The following MALT1 variants were observed in gnomAD, a reference collection of about 807,000 sequenced individuals.
MALT1 encodes the protein MALT1 paracaspase, also known as mucosa-associated lymphoid tissue lymphoma translocation protein 1.
MALT1 carries 36 observed loss-of-function variants against 85.5 expected under a neutral mutation model. That is an observed-to-expected ratio of 0.42 (90% CI 0.32 to 0.56). MALT1 has a LOEUF of 0.56. Ranked by LOEUF, MALT1 falls within the 20% of genes least tolerant of loss-of-function variation. The pLI, the probability that MALT1 is intolerant of heterozygous loss-of-function variation, is 0.10. For synonymous variants in MALT1, 359 were observed against 361.3 expected (o/e 0.99, Z 0.07); for missense variants, 716 against 981.6 (o/e 0.73, Z 3.62).
chr18:58,694,414 T>G (rs1318082273), intron 2 of MALT1, among the ~76,000 whole-genome samples: 2 of 152,244 alleles, frequency 1.3e-5, no homozygotes, highest in Non-Finnish European at 2.9e-5. Flanking sequence ...AATCTTGTTT[T>G]GTTTCTTTGC....
intron 13 of MALT1, among the ~76,000 whole-genome samples, chr18:58,737,095 C>A (rs1195170105): frequency 1.3e-5 from 2 of 152,000 alleles, no homozygotes; most frequent in Non-Finnish European, 2.9e-5. Flanking sequence ...AATCCCAGCA[C>A]TTTGGGAGGC....
intron 3 of MALT1, 151 bp from the exon 4 acceptor site, chr18:58,700,290 G>T: frequency 1.9e-6 from 1 of 525,802 alleles, no homozygotes; most frequent in Non-Finnish European, 3.2e-6. Context: ...AACTCAAAGC[G>T]TTACTGTTTT....
chr18:58,750,104 G>T lies in MALT1; in HGVS notation c.*2262G>T, dbSNP rs747389098. 2.2e-5 allele frequency: 4 copies of T among 185,834 alleles called. No individual in the cohort carries two copies. The highest frequency in any genetic ancestry group is 4.6e-5 in the Non-Finnish European group (4 of 87,830). 11.5% of individuals were successfully genotyped at this position (185,834 alleles called of 1,614,324 possible). On this transcript the variant is annotated 3_prime_UTR_variant, in exon 17 of 17. Transcript: ENST00000649217. The stretch of plus-strand genomic sequence containing the variant: ...ATAGTTGTATATAGAAAATGCTAAA[G>T]AATCCATAAAAAGTAATAAATGAGT...
chr18:58,731,515 C>G (rs1052202500), intron 10 of MALT1, among the ~76,000 whole-genome samples: 6 of 152,172 alleles, frequency 3.9e-5, no homozygotes, highest in African/African-American at 1.4e-4. Context: ...CTAGGCTAGT[C>G]TCTTTTCTGT....
chr18:58,740,280 A>G (rs1310152417), intron 13 of MALT1, among the ~76,000 whole-genome samples: 1 of 152,090 alleles, frequency 6.6e-6, no homozygotes, highest in Non-Finnish European at 1.5e-5. Context: ...TGAAGAACCA[A>G]TCTTTGACTC....
At chr18:58,741,305 T>TC (rs2055298282) in intron 13 of MALT1, 1 of 152,140 alleles carries the variant, frequency 6.6e-6, no homozygotes, top group Non-Finnish European at 1.5e-5. Flanking sequence ...CTTATCTTTT[T>TC]TAAAAAAATT....
Position 58,709,960 on chromosome 18 carries a change from T to A in MALT1, c.829-16T>A, listed in dbSNP as rs913159904. 1.3e-6 allele frequency: 2 copies of A among 1,503,060 alleles called. No homozygotes were observed. The highest frequency in any genetic ancestry group is 1.8e-5 in the Admixed American group (1 of 55,416). 93.1% of individuals were successfully genotyped at this position (1,503,060 alleles called of 1,614,324 possible). ...AATAGAAGAGGAAGCATTTACATGT[T>A]CTAATATTGATATAGGTGCCTTATG... On this transcript the variant is annotated splice_polypyrimidine_tract_variant and intron_variant, in intron 5 of 16. Transcript: ENST00000649217.
chr18:58,687,724 G>A (rs1026775266), intron 2 of MALT1, among the ~76,000 whole-genome samples: 4 of 152,192 alleles, frequency 2.6e-5, no homozygotes, highest in African/African-American at 4.8e-5. Context: ...TAAATGCGTC[G>A]TGAGAGAGAA....
At chr18:58,700,655 G>A (rs2054658342) in intron 4 of MALT1, 64 bp downstream of exon 4, 1 of 1,390,904 alleles carries the variant, frequency 7.2e-7, no homozygotes, top group Non-Finnish European at 9.4e-7. Flanking sequence ...TATTTTAAAT[G>A]TTTACTTTTA....
intron 2 of MALT1, among the ~76,000 whole-genome samples, chr18:58,688,143 T>A (rs1350349339): frequency 2.0e-5 from 3 of 151,944 alleles, no homozygotes; most frequent in African/African-American, 7.3e-5. Context: ...CATGGGTCCC[T>A]GTCGCACAAG....
chr18:58,712,798 A>G (rs1042893066), intron 7 of MALT1, among the ~76,000 whole-genome samples: 9 of 152,196 alleles, frequency 5.9e-5, no homozygotes, highest in African/African-American at 2.2e-4. Flanking sequence ...ATAAATATGT[A>G]CGATTATTAT....
chr18:58,700,694 C>A, intron 4 of MALT1, 103 bp downstream of exon 4: 1 of 930,210 alleles, frequency 1.1e-6, no homozygotes, highest in Non-Finnish European at 1.5e-6. Context: ...AAAAACATAG[C>A]AAAATTTCAC....
chr18:58,710,983 TCTC>T (rs2054823873), intron 7 of MALT1, 30 bp downstream of exon 7: 1 of 1,521,202 alleles, frequency 6.6e-7, no homozygotes. Context: ...TGAAACCAAA[TCTC>T]CTGCATGCTA....
chr18:58,721,895 G>A (rs2054988412), intron 9 of MALT1, among the ~76,000 whole-genome samples: 1 of 152,304 alleles, frequency 6.6e-6, no homozygotes, highest in South Asian at 2.1e-4. Context: ...CTGCGTCAGA[G>A]GGGGTGGCCT....
In MALT1 at chr18:58,734,382, G is replaced by A. The variant is rs888212988; in HGVS notation, c.1475+1G>A. 3.1e-6 allele frequency: 5 copies of A among 1,609,478 alleles called. No homozygotes were observed. Among genetic ancestry groups the A allele is most frequent in the East Asian group, 2.2e-5 (1 of 44,858 alleles). On this transcript the variant is annotated splice_donor_variant, in intron 12 of 16. Transcript: ENST00000649217. LOFTEE classifies it high-confidence loss of function. ...CCAATATTGTGTTTGGATATGCCAC[G>A]TAAGAACATTTGATGTTTACGTTGA...
At chr18:58,730,561 T>C (rs113196144) in intron 10 of MALT1, among the ~76,000 whole-genome samples, 1 of 152,254 alleles carries the variant, frequency 6.6e-6, no homozygotes, top group Admixed American at 6.5e-5. Context: ...ATGGACATTT[T>C]TGGACATGAT....
intron 14 of MALT1, among the ~76,000 whole-genome samples, 164 bp from the exon 15 acceptor site, chr18:58,744,170 CTTTG>C (rs561741069): frequency 5.8e-4 from 89 of 152,188 alleles, no homozygotes; most frequent in East Asian, 2.1e-3. Context: ...AAATGAAAGA[CTTTG>C]TTTGGCCAGC....
Position 58,749,364 on chromosome 18 carries a change from A to T in MALT1, c.*1522A>T. 4.6e-6 allele frequency: 1 copy of T among 217,532 alleles called. No homozygotes were observed. The highest frequency in any genetic ancestry group is 9.2e-6 in the Non-Finnish European group (1 of 108,118). 13.5% of individuals were successfully genotyped at this position (217,532 alleles called of 1,614,324 possible). On this transcript the variant is annotated 3_prime_UTR_variant, in exon 17 of 17. Transcript: ENST00000649217. ...TCAGAAGTGTTAAGTGACATGCCTG[A>T]GGCACCCCCCTAACAGGTGTCAGAG...
At chr18:58,681,100 G>C (rs2054316626) in intron 1 of MALT1, 70 bp from the exon 2 acceptor site, 2 of 1,412,270 alleles carry the variant, frequency 1.4e-6, no homozygotes, top group Admixed American at 3.7e-5. Flanking sequence ...GCACCACCGT[G>C]GTCCAGATAT....
Sources: allele counts gnomAD v4.1 joint callset (sites outside exome capture counted in the v4.1 genomes callset), GRCh38; gene constraint gnomAD v4.1.1; transcripts MANE v1.5; gene names NCBI Gene and HGNC (gene_info 2026-07-23, HGNC 2026-07-21).